The following AFDN variants were observed in gnomAD, a reference collection of about 807,000 sequenced individuals.
AFDN encodes the protein afadin, adherens junction formation factor.
In AFDN, 68 loss-of-function variants were observed where a neutral mutation model predicts 216.6. The observed-to-expected ratio is 0.31, with a 90% CI of 0.26 to 0.38. The LOEUF (loss-of-function observed/expected upper bound fraction) is 0.38, where lower values mean the gene tolerates loss of function less well. AFDN is among the 10% of genes least tolerant of loss of function. The pLI is 1.00. For missense variants in AFDN, 2,136 were observed against 2,342.0 expected, an observed-to-expected ratio of 0.91 and a Z score of 1.82; for synonymous variants, 868 against 853.7, an observed-to-expected ratio of 1.02 and a Z score of -0.29.
intron 19 of AFDN, among the ~76,000 whole-genome samples, chr6:167,916,237 G>T (rs113045290): frequency 6.6e-6 from 1 of 152,182 alleles, no homozygotes; most frequent in African/African-American, 2.4e-5. Context: ...GTCTGTGTCC[G>T]AAAGACTGCT....
intron 30 of AFDN, among the ~76,000 whole-genome samples, chr6:167,952,933 T>C (rs1010433174): frequency 2.0e-5 from 3 of 152,360 alleles, no homozygotes; most frequent in African/African-American, 7.2e-5. Context: ...TTGTTTTAAA[T>C]AAACTAACAA....
At chr6:167,922,210 G>T (rs528023782) in intron 21 of AFDN, among the ~76,000 whole-genome samples, 45 of 152,336 alleles carry the variant, frequency 3.0e-4, no homozygotes, top group Non-Finnish European at 4.6e-4. Flanking sequence ...GACCTAGTTT[G>T]AATTGAAAGG....
chr6:167,947,663 G>C lies in AFDN; in HGVS notation c.3554-190G>C, dbSNP rs1043404866. Among the ~76,000 whole-genome samples, 3 of 151,856 alleles carry C rather than the reference G, an allele frequency of 2.0e-5. 1 individual carries two copies. The South Asian group carries it at 6.2e-4, about 32-fold the overall frequency. ...AGGTTTTTTTGTAGCTCTGGGCTCT[G>C]ATTATTTAAAAGATGGATGTGGATA... is the stretch of plus-strand genomic sequence containing the variant. On this transcript the variant is annotated intron_variant, in intron 27 of 33. Transcript: ENST00000683244.
chr6:167,928,061 C>T (rs1792796721), intron 23 of AFDN, among the ~76,000 whole-genome samples: 1 of 152,158 alleles, frequency 6.6e-6, no homozygotes, highest in African/African-American at 2.4e-5. Flanking sequence ...AGGGGGCTTC[C>T]AAGATCAGTG....
intron 20 of AFDN, among the ~76,000 whole-genome samples, chr6:167,918,343 T>C (rs1010372587): frequency 6.6e-6 from 1 of 152,232 alleles, no homozygotes; most frequent in African/African-American, 2.4e-5. Flanking sequence ...TTGTGTGGGC[T>C]TTTCCCTATA....
At chr6:167,851,535 G>A (rs1291477786) in intron 1 of AFDN, among the ~76,000 whole-genome samples, 3 of 152,148 alleles carry the variant, frequency 2.0e-5, no homozygotes, top group Non-Finnish European at 4.4e-5. Flanking sequence ...TTGTAGACAG[G>A]AAGTAATATT....
intron 13 of AFDN, among the ~76,000 whole-genome samples, chr6:167,908,321 G>A (rs924149538): frequency 2.0e-5 from 3 of 152,364 alleles, no homozygotes; most frequent in Non-Finnish European, 2.9e-5. Flanking sequence ...AGTTATACAT[G>A]TGTAGACTCA....
intron 1 of AFDN, among the ~76,000 whole-genome samples, chr6:167,858,323 T>C (rs1783132221): frequency 6.6e-6 from 1 of 152,210 alleles, no homozygotes; most frequent in Non-Finnish European, 1.5e-5. Context: ...TGTTGGCTTG[T>C]TGGTTTTCAC....
chr6:167,949,343 A>G (rs746086397), intron 29 of AFDN, among the ~76,000 whole-genome samples: 4 of 152,252 alleles, frequency 2.6e-5, no homozygotes, highest in Middle Eastern at 6.8e-3. Flanking sequence ...CAGAGTTGAG[A>G]TGGAATTTGA....
At chr6:167,838,334 T>TATCTCGCG in intron 1 of AFDN, among the ~76,000 whole-genome samples, 1 of 152,030 alleles carries the variant, frequency 6.6e-6, no homozygotes, top group Admixed American at 6.6e-5. Context: ...GCCATCTCGC[T>TATCTCGCG]TAGTCCCTGT....
At chr6:167,867,167 A>G (rs931705662) in intron 2 of AFDN, among the ~76,000 whole-genome samples, 4 of 152,094 alleles carry the variant, frequency 2.6e-5, no homozygotes, top group African/African-American at 9.7e-5. Flanking sequence ...TACTTTTATG[A>G]TGTATACATA....
intron 2 of AFDN, among the ~76,000 whole-genome samples, chr6:167,865,797 C>CT (rs75509310): frequency 0.013 from 1,842 of 141,608 alleles, 35 homozygotes; most frequent in African/African-American, 0.041. Flanking sequence ...TTTTTTGAAC[C>CT]TTTTTTTTTT....
chr6:167,894,786 G>A (rs1788027380), intron 9 of AFDN, among the ~76,000 whole-genome samples: 1 of 152,188 alleles, frequency 6.6e-6, no homozygotes, highest in African/African-American at 2.4e-5. Context: ...GAAATCTGTT[G>A]ATGTAGAAAG....
At chr6:167,911,549 G>T (rs1790400501) in intron 15 of AFDN, 60 bp downstream of exon 15, 1 of 1,480,686 alleles carries the variant, frequency 6.8e-7, no homozygotes, top group African/African-American at 1.4e-5. Flanking sequence ...TGCTAAGCCA[G>T]TGAATTCAGC....
In AFDN at chr6:167,951,400, G is replaced by A. The variant is rs138608115; in HGVS notation, c.4046G>A (p.Arg1349His). Residue 1349 changes from arginine (R) to histidine (H), a missense_variant, in exon 30 of 34, where the codon CGT becomes CAT. Arg to His is a conservative substitution (Grantham distance 29). Coordinates refer to ENST00000683244, the MANE Select transcript of AFDN (RefSeq NM_001386888.1). The surrounding 1 kb of genome is among the most constrained non-coding windows in gnomAD (Gnocchi z 7.1). ...ASTLTKSGPG[R>H]WKTPAAIPAT... ...ACACTGACCAAAAGTGGCCCTGGCC[G>A]TTGGAAAACACCAGCAGCCATACCG... 1.0e-4 allele frequency: 162 copies of A among 1,613,966 alleles called. 1 individual carries two copies. The Middle Eastern group carries it at 1.2e-3, about 11-fold the overall frequency.
At chr6:167,908,060 A>G (rs1167135412) in intron 13 of AFDN, among the ~76,000 whole-genome samples, 2 of 152,216 alleles carry the variant, frequency 1.3e-5, no homozygotes, top group African/African-American at 4.8e-5. Context: ...AGACTGCATG[A>G]CTTCTATGGC....
chr6:167,831,820 G>T (rs1779861081), intron 1 of AFDN, among the ~76,000 whole-genome samples: 1 of 152,180 alleles, frequency 6.6e-6, no homozygotes, highest in African/African-American at 2.4e-5. Flanking sequence ...ATTTCTAGGT[G>T]TTGGTTAATC....
At chr6:167,888,747 T>C (rs1373835328) in intron 6 of AFDN, among the ~76,000 whole-genome samples, 1 of 152,240 alleles carries the variant, frequency 6.6e-6, no homozygotes, top group East Asian at 1.9e-4. Context: ...AAAGAGATTA[T>C]TTCAAGAAAA....
chr6:167,965,831 G>T lies in AFDN; in HGVS notation c.5043G>T (p.Arg1681Ser). The T allele has an allele frequency of 1.3e-6, 2 of 1,556,176 alleles. No individual in the cohort carries two copies. The highest frequency in any genetic ancestry group is 1.7e-6 in the Non-Finnish European group (2 of 1,150,204). The change falls in exon 32 of 34, where the codon AGG becomes AGT. Residue 1681 changes from arginine (R) to serine (S), a missense_variant. By Grantham distance (110) the Arg-to-Ser change is moderately radical. Transcript: ENST00000683244. Reference protein sequence around the residue: ...RRRQHDEAARRLLEPEAPGLC... With the variant: ...RRRQHDEAARSLLEPEAPGLC... ...GACAGCACGACGAGGCGGCGCGCAG[G>T]TTGCTGGAGCCCGAGGCGCCCGGTC...
Sources: gnomAD v4.1 joint callset for allele counts (sites outside exome capture counted in the v4.1 genomes callset) on GRCh38, gnomAD v4.1.1 for gene constraint, Gnocchi (gnomAD v3.1) non-coding constraint, MANE v1.5 for transcripts, NCBI Gene and HGNC (gene_info 2026-07-23, HGNC 2026-07-21) for gene names.